The following TUBGCP4 variants were observed in gnomAD, a reference collection of about 807,000 sequenced individuals.
The protein encoded by TUBGCP4 is gamma-tubulin complex component 4.
In TUBGCP4, 54 loss-of-function variants were observed where a neutral mutation model predicts 91.6. The ratio of observed to expected loss-of-function variants is 0.59; its 90% confidence interval spans 0.47 to 0.74. The LOEUF (loss-of-function observed/expected upper bound fraction) is 0.74, where lower values mean the gene tolerates loss of function less well. Ranked by LOEUF, TUBGCP4 falls within the 30% of genes least tolerant of loss-of-function variation. TUBGCP4 has a pLI of 0.00. For synonymous variants in TUBGCP4, 297 were observed against 302.8 expected (o/e 0.98, Z 0.20); for missense variants, 593 against 800.9 (o/e 0.74, Z 3.13).
At position 43,375,667 on chromosome 15, in the gene TUBGCP4, A is replaced by G. The variant is rs958005920; in HGVS notation, c.79-431A>G. On this transcript the variant is annotated intron_variant, in intron 1 of 17. Transcript: ENST00000564079. ...AAAACAATGAAAACTTCTATAGGGAATTTGTAAATCCTAAGAATATGTCTG... is the reference window on the plus strand; with the variant it reads ...AAAACAATGAAAACTTCTATAGGGAGTTTGTAAATCCTAAGAATATGTCTG... Among the ~76,000 whole-genome samples the G allele has an allele frequency of 2.6e-5, 4 of 152,186 alleles. No individual in the cohort carries two copies. In the South Asian group the frequency reaches 8.3e-4, roughly 32 times the overall value.
At chr15:43,398,212 T>C (rs1296232395) in intron 13 of TUBGCP4, 33 bp downstream of exon 13, 1 of 1,595,126 alleles carries the variant, frequency 6.3e-7, no homozygotes. Context: ...CAGGTAAATA[T>C]GACCCACCTT....
At chr15:43,372,186 T>C (rs903528691) in intron 1 of TUBGCP4, among the ~76,000 whole-genome samples, 1 of 152,212 alleles carries the variant, frequency 6.6e-6, no homozygotes, top group Non-Finnish European at 1.5e-5. Flanking sequence ...GTATTGTTTC[T>C]ACCAGTTAAC....
Position 43,403,748 on chromosome 15 carries a change from C to T in TUBGCP4, c.1797C>T (p.Asn599=), listed in dbSNP as rs749995080. ...CHSFCSLVSQ[N]LGPLDERGAA... ...GTTTTTGTTCGCTGGTCAGTCAGAA[C>T]CTAGGCCCACTGGATGAGCGTGGAG... The change falls in exon 16 of 18, where the codon AAC becomes AAT. Residue 599 remains asparagine, a synonymous_variant. Transcript: ENST00000564079. 5 of 1,613,828 alleles carry T rather than the reference C, an allele frequency of 3.1e-6. No homozygotes were observed. The South Asian group carries it at 4.4e-5, about 14-fold the overall frequency.
At chr15:43,373,362 C>G (rs2044153075) in intron 1 of TUBGCP4, among the ~76,000 whole-genome samples, 1 of 152,166 alleles carries the variant, frequency 6.6e-6, no homozygotes, top group Admixed American at 6.5e-5. Flanking sequence ...ACTCTGCCAA[C>G]AAGAAACGCT....
Position 43,400,054 on chromosome 15 carries a change from G to GT in TUBGCP4, c.1434dup (p.Lys479Ter), listed in dbSNP as rs1439555171. On this transcript the variant is annotated frameshift_variant, in exon 14 of 18. Coordinates refer to ENST00000564079, the MANE Select transcript of TUBGCP4 (RefSeq NM_014444.5). LOFTEE classifies it high-confidence loss of function. ...TTATTTCTGTCCTAGGTACAATGTT[G>GT]TTTTTAAGTACTTACTGAGTGTGCG... is the stretch of plus-strand genomic sequence containing the variant. 3 of 1,611,218 alleles carry GT rather than the reference G, an allele frequency of 1.9e-6. No individual in the cohort carries two copies. The highest frequency in any genetic ancestry group is 2.5e-6 in the Non-Finnish European group (3 of 1,177,750).
intron 3 of TUBGCP4, 39 bp downstream of exon 3, chr15:43,376,664 T>G (rs1339586446): frequency 6.2e-7 from 1 of 1,612,940 alleles, no homozygotes; most frequent in Admixed American, 1.7e-5. Flanking sequence ...TCTGGGACAG[T>G]AGATTAGGGC....
In TUBGCP4 at chr15:43,398,855, C is replaced by T. The variant is rs920096760; in HGVS notation, c.1418+676C>T. On this transcript the variant is annotated intron_variant, in intron 13 of 17. Coordinates refer to ENST00000564079, the MANE Select transcript of TUBGCP4 (RefSeq NM_014444.5). ...ATACTACTTTTATCTGTCCCTCCCC[C>T]ACTTTTTTGCTAGAGCTGTATAAAG... Among the ~76,000 whole-genome samples, 7 of 152,330 alleles carry T rather than the reference C, an allele frequency of 4.6e-5. No homozygotes were observed. In the East Asian group the frequency reaches 1.2e-3, roughly 25 times the overall value.
chr15:43,397,353 C>T lies in TUBGCP4; in HGVS notation c.1279+32C>T, dbSNP rs1335377358. On this transcript the variant is annotated intron_variant, in intron 12 of 17. Coordinates refer to ENST00000564079, the MANE Select transcript of TUBGCP4 (RefSeq NM_014444.5). ...CATTCCTCCCTGCCACCTTAGAGTTCCTGCTGGTCATCATCCATTTTCCCA... is the reference window on the plus strand; with the variant it reads ...CATTCCTCCCTGCCACCTTAGAGTTTCTGCTGGTCATCATCCATTTTCCCA... 5 of 1,486,794 alleles carry T rather than the reference C, an allele frequency of 3.4e-6. No individual in the cohort carries two copies. In the South Asian group the frequency reaches 5.6e-5, roughly 17 times the overall value. 92.1% of individuals were successfully genotyped at this position (1,486,794 alleles called of 1,614,324 possible).
At chr15:43,391,083 T>G (rs1252275946) in intron 9 of TUBGCP4, among the ~76,000 whole-genome samples, 2 of 151,762 alleles carry the variant, frequency 1.3e-5, no homozygotes, top group African/African-American at 2.4e-5. Context: ...TAGAGTGCAG[T>G]GGTATAATCC....
rs1156412038 is a variant in TUBGCP4, at chr15:43,406,881, G to A, written c.*1667G>A. 1 of 282,336 alleles carries A rather than the reference G, an allele frequency of 3.5e-6. No homozygotes were observed. Among genetic ancestry groups the A allele is most frequent in the East Asian group, 9.2e-5 (1 of 10,910 alleles). 17.5% of individuals were successfully genotyped at this position (282,336 alleles called of 1,614,324 possible). A position where few individuals can be genotyped will look rare whatever the true frequency, so the allele number is the denominator to read the frequency against. ...TCTAAGAGTTGGGGAGTACCCACAG[G>A]TGAGCTGTGATCTCAGCTCAGAGAG... On this transcript the variant is annotated 3_prime_UTR_variant, in exon 18 of 18. Coordinates refer to ENST00000564079, the MANE Select transcript of TUBGCP4 (RefSeq NM_014444.5).
At chr15:43,397,931 T>TG in intron 12 of TUBGCP4, 110 bp from the exon 13 acceptor site, 1 of 1,159,972 alleles carries the variant, frequency 8.6e-7, no homozygotes, top group Admixed American at 2.7e-5. Flanking sequence ...AGACTGGTCT[T>TG]GAACTCCTGT....
chr15:43,373,883 A>C (rs2044162147), intron 1 of TUBGCP4, among the ~76,000 whole-genome samples: 1 of 151,904 alleles, frequency 6.6e-6, no homozygotes, highest in South Asian at 2.1e-4. Context: ...CGATCTCCTG[A>C]CCTCGTGATC....
chr15:43,383,515 A>G lies in TUBGCP4; in HGVS notation c.723+11A>G. 1 of 1,585,646 alleles carries G rather than the reference A, an allele frequency of 6.3e-7. No homozygotes were observed. Among genetic ancestry groups the G allele is most frequent in the Non-Finnish European group, 8.6e-7 (1 of 1,167,526 alleles). On this transcript the variant is annotated intron_variant, in intron 7 of 17. Transcript: ENST00000564079. ...GAACTGCAGGACTTGGTGAGAGCCC[A>G]AAAAGTAGCCTAGCACTCTCCTGCC...
intron 9 of TUBGCP4, among the ~76,000 whole-genome samples, chr15:43,390,920 A>G (rs1026114756): frequency 2.0e-5 from 3 of 150,994 alleles, no homozygotes; most frequent in Admixed American, 6.6e-5. Context: ...GGCTCAATCA[A>G]TTTTCCCATC....
chr15:43,373,262 G>A (rs1435002378), intron 1 of TUBGCP4, among the ~76,000 whole-genome samples: 1 of 152,176 alleles, frequency 6.6e-6, no homozygotes, highest in African/African-American at 2.4e-5. Flanking sequence ...TTCTCAGCCT[G>A]TTCCTATAAC....
At chr15:43,379,846 T>G (rs969900796) in intron 5 of TUBGCP4, among the ~76,000 whole-genome samples, 1 of 152,204 alleles carries the variant, frequency 6.6e-6, no homozygotes, top group Non-Finnish European at 1.5e-5. Flanking sequence ...CCTGGAGGGC[T>G]TGTGGAAACA....
chr15:43,384,389 G>T (rs549137620), intron 7 of TUBGCP4, among the ~76,000 whole-genome samples: 70 of 152,290 alleles, frequency 4.6e-4, no homozygotes, highest in Admixed American at 2.2e-3. Context: ...CATGGTCATG[G>T]GATAGGGTCT....
intron 11 of TUBGCP4, 99 bp downstream of exon 11, chr15:43,395,787 G>C: frequency 1.1e-6 from 1 of 946,264 alleles, no homozygotes; most frequent in Non-Finnish European, 1.7e-6. Flanking sequence ...CATAAGAGCA[G>C]CCTGATGAGT....
chr15:43,384,005 G>C (rs1226881436), intron 7 of TUBGCP4, among the ~76,000 whole-genome samples: 2 of 152,024 alleles, frequency 1.3e-5, no homozygotes, highest in East Asian at 3.9e-4. Flanking sequence ...GTAGAGACAG[G>C]GTTTTGTCAT....
Sources: allele counts gnomAD v4.1 joint callset (sites outside exome capture counted in the v4.1 genomes callset), GRCh38; gene constraint gnomAD v4.1.1; transcripts MANE v1.5; gene names NCBI Gene and HGNC (gene_info 2026-07-23, HGNC 2026-07-21).